CD1B: variants seen among roughly 807,000 people sequenced by gnomAD.
CD1B encodes CD1b molecule.
Under a neutral mutation model 39.8 loss-of-function variants are expected in CD1B, and 43 were observed. That is an observed-to-expected ratio of 1.08 (90% CI 0.85 to 1.39). The LOEUF is 1.39. Among genes scored for constraint, CD1B ranks in the 40% most tolerant of loss-of-function variants. The pLI is 0.00. For missense variants in CD1B, 495 were observed against 403.8 expected (o/e 1.23, Z -1.94); for synonymous variants, 192 against 152.5 (o/e 1.26, Z -1.91).
the CD1B span, among the ~76,000 whole-genome samples, chr1:158,316,694 G>A: frequency 2.6e-5 from 4 of 150,954 alleles, no homozygotes; most frequent in Non-Finnish European, 5.9e-5. Flanking sequence ...CCAACACTAT[G>A]TTGAATAGGA....
chr1:158,313,895 G>A, the CD1B span, among the ~76,000 whole-genome samples: 12 of 151,980 alleles, frequency 7.9e-5, no homozygotes, highest in Admixed American at 7.9e-4. Context: ...CAATCTTGTG[G>A]TTGTATGAGT....
the CD1B span, among the ~76,000 whole-genome samples, chr1:158,312,751 A>T: frequency 6.6e-6 from 1 of 152,122 alleles, no homozygotes; most frequent in Non-Finnish European, 1.5e-5. Context: ...CTTTTTGATG[A>T]AGTAATTAGT....
the CD1B span, among the ~76,000 whole-genome samples, chr1:158,300,753 T>C: frequency 6.9e-6 from 1 of 145,020 alleles, no homozygotes; most frequent in Non-Finnish European, 1.5e-5. Context: ...TTTGTCTCTC[T>C]CTCTCTCTTT....
chr1:158,326,607 T>C (rs1005534589), downstream of CD1B, among the ~76,000 whole-genome samples: 2 of 152,110 alleles, frequency 1.3e-5, no homozygotes, highest in African/African-American at 4.8e-5. Context: ...GGGGATGTCA[T>C]AATGTAATTT....
chr1:158,319,062 G>T, the CD1B span, among the ~76,000 whole-genome samples: 3 of 151,402 alleles, frequency 2.0e-5, no homozygotes, highest in African/African-American at 7.3e-5. Context: ...TCCCTTTGAG[G>T]GTAACCCGAC....
At chr1:158,326,044 A>G (rs924894155), downstream of CD1B, among the ~76,000 whole-genome samples, 5 of 152,096 alleles carry the variant, frequency 3.3e-5, no homozygotes, top group African/African-American at 1.2e-4. Context: ...ATCTCGGCTC[A>G]CTGCAAGCTC....
chr1:158,301,121 T>A, the CD1B span, among the ~76,000 whole-genome samples: 1 of 152,046 alleles, frequency 6.6e-6, no homozygotes, highest in Admixed American at 6.6e-5. Context: ...CCCCTGCTTT[T>A]TTTTTGCTTT....
chr1:158,324,976 A>T (rs562631425), downstream of CD1B, among the ~76,000 whole-genome samples: 13 of 152,318 alleles, frequency 8.5e-5, 1 homozygote, highest in Admixed American at 7.8e-4. Flanking sequence ...GAAATTCATG[A>T]GTATACAATT....
the CD1B span, chr1:158,292,758 C>T: frequency 3.1e-6 from 5 of 1,614,200 alleles, no homozygotes; most frequent in Non-Finnish European, 4.2e-6. Flanking sequence ...CTTCCTAATG[C>T]TGATGGGACA....
intron 2 of CD1B, 51 bp downstream of exon 2, chr1:158,330,745 A>G (rs749123568): frequency 4.4e-6 from 7 of 1,582,674 alleles, no homozygotes; most frequent in Non-Finnish European, 6.1e-6. Context: ...TGCAAAAAAG[A>G]GAGAAAAGAG....
chr1:158,308,189 T>A, the CD1B span, among the ~76,000 whole-genome samples: 13,030 of 150,772 alleles, frequency 0.086, 809 homozygotes, highest in East Asian at 0.28. Context: ...TACACACCAG[T>A]AACAGACAGA....
At chr1:158,285,836 A>G in the CD1B span, among the ~76,000 whole-genome samples, 2 of 152,128 alleles carry the variant, frequency 1.3e-5, no homozygotes, top group African/African-American at 4.8e-5. Flanking sequence ...GGCCAGAAAG[A>G]AGGAGTGAAT....
chr1:158,331,124 G>C (rs1040951535), intron 1 of CD1B, 62 bp from the exon 2 acceptor site: 5 of 1,458,960 alleles, frequency 3.4e-6, no homozygotes, highest in Non-Finnish European at 3.7e-6. Context: ...CAATTAGGAA[G>C]AATGGGAATG....
chr1:158,295,492 G>T, the CD1B span, among the ~76,000 whole-genome samples: 2 of 152,120 alleles, frequency 1.3e-5, no homozygotes, highest in Non-Finnish European at 2.9e-5. Context: ...AGTTGGCAGG[G>T]ACAGGACTCC....
the CD1B span, among the ~76,000 whole-genome samples, chr1:158,303,695 C>T: frequency 6.6e-6 from 1 of 152,010 alleles, no homozygotes; most frequent in East Asian, 1.9e-4. Flanking sequence ...GAATAAAATG[C>T]TTAGGAATAT....
the CD1B span, chr1:158,292,530 T>C: frequency 1.3e-6 from 2 of 1,540,364 alleles, no homozygotes; most frequent in Non-Finnish European, 1.8e-6. Context: ...TTCATGTGGA[T>C]GTGTGTATGT....
At chr1:158,317,302 T>C in the CD1B span, among the ~76,000 whole-genome samples, 349 of 152,304 alleles carry the variant, frequency 2.3e-3, 3 homozygotes, top group African/African-American at 7.7e-3. Flanking sequence ...TGGACTCTTT[T>C]TTGTTGGTAA....
At chr1:158,318,624 C>A in the CD1B span, among the ~76,000 whole-genome samples, 3 of 152,202 alleles carry the variant, frequency 2.0e-5, no homozygotes, top group Admixed American at 2.0e-4. Flanking sequence ...TCCAATTTGC[C>A]AGTCTGTGTC....
At position 158,329,499 on chromosome 1, in the gene CD1B, T is replaced by A; in HGVS notation, c.757A>T (p.Ile253Phe). The A allele has an allele frequency of 1.9e-6, 3 of 1,614,140 alleles. No individual in the cohort carries two copies. The highest frequency in any genetic ancestry group is 2.5e-6 in the Non-Finnish European group (3 of 1,180,034). The change falls in exon 4 of 6, where the codon ATC (isoleucine) becomes TTC (phenylalanine). Residue 253 changes from isoleucine (I) to phenylalanine (F), a missense_variant. Physicochemically the swap from Ile to Phe is conservative, Grantham distance 21. Transcript: ENST00000368168. ...QEQQGTQLGD[I>F]LPNANWTWYL... ...CATGTCCAGTTAGCATTGGGCAGGATGTCCCCTAGCTGAGTGCCCTGCTGC... is the reference window on the plus strand; with the variant it reads ...CATGTCCAGTTAGCATTGGGCAGGAAGTCCCCTAGCTGAGTGCCCTGCTGC...
Sources: gnomAD v4.1 joint callset for allele counts (sites outside exome capture counted in the v4.1 genomes callset) on GRCh38, gnomAD v4.1.1 for gene constraint, MANE v1.5 for transcripts, NCBI Gene and HGNC (gene_info 2026-07-23, HGNC 2026-07-21) for gene names.